The following COL21A1 variants were observed in gnomAD, a reference collection of about 807,000 sequenced individuals.
The protein encoded by COL21A1 is collagen type XXI alpha 1 chain.
COL21A1 carries 149 observed loss-of-function variants against 137.9 expected under a neutral mutation model. The ratio of observed to expected loss-of-function variants is 1.08; its 90% CI spans 0.95 to 1.24. The LOEUF (loss-of-function observed/expected upper bound fraction) is 1.24, where lower values mean the gene tolerates loss of function less well. Ranked by LOEUF, COL21A1 falls within the 50% of genes most tolerant of loss-of-function variation. The pLI is 0.00. For missense variants in COL21A1, 1,167 were observed against 1,158.4 expected, an observed-to-expected ratio of 1.01 and a Z score of -0.11; for synonymous variants, 456 against 391.5, an observed-to-expected ratio of 1.16 and a Z score of -1.95.
intron 1 of COL21A1, among the ~76,000 whole-genome samples, chr6:56,352,465 C>A (rs1322640150): frequency 6.6e-6 from 1 of 151,562 alleles, no homozygotes; most frequent in East Asian, 1.9e-4. Flanking sequence ...TCGGCTGGAA[C>A]AGTTAAACTC....
chr6:56,337,039 A>G (rs548115116), intron 1 of COL21A1, among the ~76,000 whole-genome samples: 1 of 152,342 alleles, frequency 6.6e-6, no homozygotes, highest in South Asian at 2.1e-4. Flanking sequence ...CTCTTAGCTC[A>G]GACCTTAGCT....
chr6:56,361,653 T>A (rs1485760331), intron 1 of COL21A1, among the ~76,000 whole-genome samples: 1 of 151,866 alleles, frequency 6.6e-6, no homozygotes, highest in Non-Finnish European at 1.5e-5. Context: ...GAAACTCTGG[T>A]TGGCAGAATT....
At chr6:56,315,798 A>T (rs1193274898) in intron 1 of COL21A1, among the ~76,000 whole-genome samples, 1 of 151,976 alleles carries the variant, frequency 6.6e-6, no homozygotes, top group Non-Finnish European at 1.5e-5. Context: ...GAACTTAAAA[A>T]GCATACCATA....
upstream of COL21A1, among the ~76,000 whole-genome samples, chr6:56,248,534 C>T (rs1188039564): frequency 1.3e-5 from 2 of 152,190 alleles, no homozygotes; most frequent in African/African-American, 4.8e-5. Context: ...TGTGTGTTTC[C>T]TATCCAACTC....
chr6:56,331,441 G>A (rs1287488277), intron 1 of COL21A1, among the ~76,000 whole-genome samples: 2 of 151,870 alleles, frequency 1.3e-5, no homozygotes, highest in African/African-American at 4.8e-5. Context: ...AATCCATCTT[G>A]AGTTAATTTT....
At chr6:56,092,333 G>A (rs1231767376) in intron 17 of COL21A1, among the ~76,000 whole-genome samples, 11 of 152,098 alleles carry the variant, frequency 7.2e-5, no homozygotes, top group Admixed American at 6.6e-4. Flanking sequence ...TAAACCATAC[G>A]ATTTGTATCC....
chr6:56,225,592 A>G (rs1781134687), intron 1 of COL21A1, among the ~76,000 whole-genome samples: 1 of 152,044 alleles, frequency 6.6e-6, no homozygotes, highest in South Asian at 2.1e-4. Flanking sequence ...AGGATGTGCT[A>G]TTTTCAGGTA....
At chr6:56,082,258 G>T (rs1159793156) in intron 17 of COL21A1, among the ~76,000 whole-genome samples, 5 of 151,786 alleles carry the variant, frequency 3.3e-5, no homozygotes, top group Non-Finnish European at 5.9e-5. Context: ...GAGCCCAAAG[G>T]TCCAGGAAAA....
At chr6:56,390,329 A>G (rs1330522368) in intron 1 of COL21A1, among the ~76,000 whole-genome samples, 1 of 152,208 alleles carries the variant, frequency 6.6e-6, no homozygotes, top group African/African-American at 2.4e-5. Flanking sequence ...ATGAAAACAT[A>G]TAACAGAGAC....
intron 3 of COL21A1, among the ~76,000 whole-genome samples, chr6:56,176,512 A>G (rs1461932966): frequency 1.3e-5 from 2 of 151,990 alleles, no homozygotes; most frequent in Non-Finnish European, 2.9e-5. Flanking sequence ...TATATGAAAA[A>G]TGTCCAACAT....
At chr6:56,391,417 T>G (rs762017582) in intron 1 of COL21A1, among the ~76,000 whole-genome samples, 1 of 151,540 alleles carries the variant, frequency 6.6e-6, no homozygotes, top group African/African-American at 2.4e-5. Flanking sequence ...AATTCAAAAT[T>G]AATAGAAGAA....
At chr6:56,194,960 A>G (rs9475606) in intron 1 of COL21A1, among the ~76,000 whole-genome samples, 3,285 of 152,190 alleles carry the variant, frequency 0.022, 122 homozygotes, top group African/African-American at 0.075. Context: ...AGATTAGTGG[A>G]TTAATAAATT....
rs557976576 is a variant in COL21A1, at chr6:56,139,697, G to A, written c.1542+2088C>T. Among the ~76,000 whole-genome samples the A allele has an allele frequency of 7.2e-5, 11 of 152,236 alleles. No homozygotes were observed. In the South Asian group the frequency reaches 1.4e-3, roughly 20 times the overall value. ...CTGTTCTCTCAAAATATATATTGGA[G>A]TTCCTTGGTTATGACTGACTCTATA... On this transcript the variant is annotated intron_variant, in intron 12 of 29. Transcript: ENST00000244728.
chr6:56,092,381 G>T (rs1768919211), intron 17 of COL21A1, among the ~76,000 whole-genome samples: 1 of 151,990 alleles, frequency 6.6e-6, no homozygotes, highest in Non-Finnish European at 1.5e-5. Context: ...TTTATATATT[G>T]TTTAACTATT....
chr6:56,340,466 G>A (rs1469937271), intron 1 of COL21A1, among the ~76,000 whole-genome samples: 1 of 152,126 alleles, frequency 6.6e-6, no homozygotes, highest in Non-Finnish European at 1.5e-5. Flanking sequence ...AGCTGGGGAA[G>A]GACAGCAGCT....
At chr6:56,066,977 A>G (rs9396170) in intron 23 of COL21A1, among the ~76,000 whole-genome samples, 79,912 of 146,312 alleles carry the variant, frequency 0.55, 21,964 homozygotes, top group East Asian at 0.77. Context: ...ATATATATAT[A>G]TGTGTGTGTG....
chr6:56,288,595 G>C (rs568219546), intron 1 of COL21A1, among the ~76,000 whole-genome samples: 1 of 152,198 alleles, frequency 6.6e-6, no homozygotes, highest in East Asian at 1.9e-4. Context: ...GCCAGTGAAA[G>C]AGCAGAAAGA....
chr6:56,127,648 ACGTTTGAAGGCTCTG>A (rs1471687325), intron 12 of COL21A1, among the ~76,000 whole-genome samples: 1 of 152,170 alleles, frequency 6.6e-6, no homozygotes, highest in Non-Finnish European at 1.5e-5. Flanking sequence ...TTTAAATCAG[ACGTTTGAAGGCTCTG>A]CTTCACTCAG....
intron 1 of COL21A1, among the ~76,000 whole-genome samples, chr6:56,200,479 T>C (rs1481188955): frequency 5.6e-5 from 6 of 107,396 alleles, no homozygotes; most frequent in Non-Finnish European, 1.0e-4. Flanking sequence ...CAACAGGCCC[T>C]AGTGTGATGT....
Sources: gnomAD v4.1 joint callset for allele counts (sites outside exome capture counted in the v4.1 genomes callset) on GRCh38, gnomAD v4.1.1 for gene constraint, MANE v1.5 for transcripts, NCBI Gene and HGNC (gene_info 2026-07-23, HGNC 2026-07-21) for gene names.